The following RNF38 variants were observed in gnomAD, a reference collection of about 807,000 sequenced individuals.
RNF38 encodes the protein ring finger protein 38, also known as E3 ubiquitin-protein ligase RNF38.
Under a neutral mutation model 67.2 loss-of-function variants are expected in RNF38, and 15 were observed. That is an observed-to-expected ratio of 0.22 (90% CI 0.15 to 0.34). RNF38 has a LOEUF of 0.34. RNF38 is among the 10% of genes least tolerant of loss of function. RNF38 has a pLI of 1.00. For missense variants in RNF38, 524 were observed against 639.9 expected (o/e 0.82, Z 1.95); for synonymous variants, 220 against 218.8 (o/e 1.01, Z -0.05).
chr9:36,359,432 A>G (rs991085924), intron 4 of RNF38, among the ~76,000 whole-genome samples: 7 of 152,162 alleles, frequency 4.6e-5, no homozygotes, highest in African/African-American at 1.4e-4. Flanking sequence ...TTTTGCTTGC[A>G]CATGGACAAT....
chr9:36,480,825 C>T (rs1370082910), intron 1 of RNF38, among the ~76,000 whole-genome samples: 1 of 151,850 alleles, frequency 6.6e-6, no homozygotes, highest in East Asian at 1.9e-4. Context: ...GCTGGGATTA[C>T]AGGGGTGAGC....
At chr9:36,356,520 G>C (rs1340091258) in intron 5 of RNF38, 47 bp from the exon 6 acceptor site, 3 of 1,455,246 alleles carry the variant, frequency 2.1e-6, no homozygotes, top group Non-Finnish European at 2.8e-6. Context: ...CAGAATATAT[G>C]ATTAATTTAA....
intron 1 of RNF38, among the ~76,000 whole-genome samples, chr9:36,470,825 T>C (rs1839979899): frequency 6.6e-6 from 1 of 152,040 alleles, no homozygotes; most frequent in South Asian, 2.1e-4. Context: ...GAAAACTATT[T>C]CCAGTATTCC....
intron 4 of RNF38, among the ~76,000 whole-genome samples, chr9:36,365,899 T>A (rs1259398043): frequency 6.6e-6 from 1 of 151,962 alleles, no homozygotes; most frequent in South Asian, 2.1e-4. Flanking sequence ...CTCCTGACCT[T>A]GTGATCCACC....
chr9:36,408,474 T>C (rs760799559), intron 2 of RNF38, among the ~76,000 whole-genome samples: 7 of 152,134 alleles, frequency 4.6e-5, no homozygotes, highest in Non-Finnish European at 1.0e-4. Context: ...TGAGCAGAAC[T>C]TGGACCAGTA....
intron 4 of RNF38, among the ~76,000 whole-genome samples, chr9:36,365,306 C>A (rs896765669): frequency 3.3e-5 from 5 of 152,142 alleles, no homozygotes; most frequent in Non-Finnish European, 7.4e-5. Flanking sequence ...GTGGCTCACA[C>A]CTGTAATCCC....
intron 1 of RNF38, among the ~76,000 whole-genome samples, chr9:36,465,576 C>G (rs1383684397): frequency 6.6e-6 from 1 of 152,092 alleles, no homozygotes; most frequent in Non-Finnish European, 1.5e-5. Flanking sequence ...AACTCCTGAC[C>G]TCAGGTGATC....
chr9:36,403,099 C>A (rs1468987812), upstream of RNF38, among the ~76,000 whole-genome samples: 12 of 152,154 alleles, frequency 7.9e-5, no homozygotes, highest in Admixed American at 7.9e-4. Flanking sequence ...CATGCACAGC[C>A]TCTAATTTAT....
At chr9:36,450,854 C>T (rs191944362) in intron 1 of RNF38, among the ~76,000 whole-genome samples, 11 of 152,000 alleles carry the variant, frequency 7.2e-5, no homozygotes, top group Non-Finnish European at 1.0e-4. Context: ...GTGGAGGTTG[C>T]GGTAAGCCGA....
intron 6 of RNF38, among the ~76,000 whole-genome samples, chr9:36,354,145 C>A (rs978154478): frequency 2.0e-5 from 3 of 152,118 alleles, no homozygotes; most frequent in African/African-American, 7.2e-5. Flanking sequence ...AACTGTATAC[C>A]CATTATCAGT....
Position 36,357,851 on chromosome 9 carries a change from C to T in RNF38, c.662G>A (p.Cys221Tyr), listed in dbSNP as rs765647044. ...GCATCCTGGGACCTGCTGTGTACTA[C>T]AAGCAGGGATGTGCTGGCCTGTGCA... Reference protein sequence around the residue: ...PLCTGQHIPACSTQQVPGCSV... With the variant: ...PLCTGQHIPAYSTQQVPGCSV... Residue 221 changes from cysteine (C) to tyrosine (Y), a missense_variant, in exon 5 of 12, where the codon TGT becomes TAT. Physicochemically the swap from Cys to Tyr is radical, Grantham distance 194. Around this residue, in one of 2 missense-constraint regions of RNF38, gnomAD observed 461 missense variants for 517.4 expected, o/e 0.89. Transcript: ENST00000259605. The T allele has an allele frequency of 7.4e-6, 12 of 1,613,538 alleles. No individual in the cohort carries two copies. The highest frequency in any genetic ancestry group is 1.0e-5 in the Non-Finnish European group (12 of 1,179,476).
At chr9:36,386,738 T>C (rs962754340) in intron 2 of RNF38, among the ~76,000 whole-genome samples, 1 of 152,222 alleles carries the variant, frequency 6.6e-6, no homozygotes, top group African/African-American at 2.4e-5. Context: ...TCCTCACTGC[T>C]ACACTCCCAC....
chr9:36,390,609 G>T lies in RNF38; in HGVS notation c.20C>A (p.Pro7His), dbSNP rs375462793. Residue 7 changes from proline to histidine, a missense_variant, in exon 2 of 12, where the codon CCC becomes CAC. Coordinates refer to ENST00000259605, the MANE Select transcript of RNF38 (RefSeq NM_022781.5). ...AGGTAGAGATGCTGAATTGGCCCCG[G>T]GAGATATCTGGGAAAAAGAGGAAGA... MACKIS[P>H]GANSASLPGH... 1 of 1,614,002 alleles carries T rather than the reference G, an allele frequency of 6.2e-7. No individual in the cohort carries two copies. Among genetic ancestry groups the T allele is most frequent in the African/African-American group, 1.3e-5 (1 of 75,034 alleles).
rs540954242 is a variant in RNF38 at position 36,415,552 on chromosome 9, G to A, written n.312+9061C>T. Among the ~76,000 whole-genome samples, 6 of 152,294 alleles carry A rather than the reference G, an allele frequency of 3.9e-5. No homozygotes were observed. In the South Asian group the frequency reaches 1.0e-3, roughly 26 times the overall value. ...GCTCTCCCCCTTCCCCTAGGGATGA[G>A]GTTCCTGAGAGCTGGACTACAGTGA... is the stretch of plus-strand genomic sequence containing the variant. On this transcript the variant is annotated intron_variant and non_coding_transcript_variant, in intron 2 of 3. Transcript: ENST00000488058.
intron 1 of RNF38, among the ~76,000 whole-genome samples, chr9:36,451,290 C>T (rs1315208211): frequency 2.0e-5 from 3 of 151,776 alleles, no homozygotes; most frequent in Non-Finnish European, 4.4e-5. Flanking sequence ...ATGGTGAAAT[C>T]CCATCTCTAC....
At chr9:36,471,728 T>A (rs1470199761) in intron 1 of RNF38, among the ~76,000 whole-genome samples, 2 of 152,248 alleles carry the variant, frequency 1.3e-5, no homozygotes, top group Non-Finnish European at 2.9e-5. Flanking sequence ...TCAGTTTTTA[T>A]CTCAACACAG....
At position 36,484,774 on chromosome 9, in the gene RNF38, T is replaced by C. The variant is rs1840363044; in HGVS notation, n.241+2534A>G. Among the ~76,000 whole-genome samples, 3 of 152,252 alleles carry C rather than the reference T, an allele frequency of 2.0e-5. No individual in the cohort carries two copies. The East Asian group carries it at 5.8e-4, about 29-fold the overall frequency. On this transcript the variant is annotated intron_variant and non_coding_transcript_variant, in intron 1 of 3. Transcript: ENST00000488058. Reference sequence around the variant, plus strand: ...TTCTGTAAGAATTCTTCTGACTTGCTTCCCTGTTCCATATGGTTTTTGAGA... The same window carrying C: ...TTCTGTAAGAATTCTTCTGACTTGCCTCCCTGTTCCATATGGTTTTTGAGA...
At chr9:36,481,437 T>C (rs1319132093) in intron 1 of RNF38, among the ~76,000 whole-genome samples, 3 of 152,154 alleles carry the variant, frequency 2.0e-5, no homozygotes, top group Non-Finnish European at 4.4e-5. Flanking sequence ...AGCGCTAATA[T>C]CCATTTAAGT....
upstream of RNF38, chr9:36,487,580 G>GCTCCGGCTGCGACTCGA: frequency 1.0e-6 from 1 of 980,868 alleles, no homozygotes; most frequent in Non-Finnish European, 1.2e-6. Context: ...GCGAGCAGCG[G>GCTCCGGCTGCGACTCGA]CTCCGGCTGC....
Sources: gnomAD v4.1 joint callset for allele counts (sites outside exome capture counted in the v4.1 genomes callset) on GRCh38, gnomAD v4.1.1 for gene constraint, gnomAD v4.1.1 regional missense constraint, MANE v1.5 for transcripts, NCBI Gene and HGNC (gene_info 2026-07-23, HGNC 2026-07-21) for gene names.